Variants in SYN3 observed in about 807,000 individuals in gnomAD.
SYN3 encodes the protein synapsin-3.
A neutral mutation model predicts 65.8 loss-of-function variants in SYN3; 35 were observed. That is an observed-to-expected ratio of 0.53 (90% CI 0.41 to 0.70). The LOEUF is 0.70. Among genes scored for constraint, SYN3 ranks in the 30% least tolerant of loss-of-function variants. The pLI is 0.00. For synonymous variants in SYN3, 270 were observed against 292.9 expected, an observed-to-expected ratio of 0.92 and a Z score of 0.80; for missense variants, 680 against 749.0, an observed-to-expected ratio of 0.91 and a Z score of 1.08.
At chr22:32,577,397 A>G (rs2058867474) in intron 7 of SYN3, among the ~76,000 whole-genome samples, 1 of 152,180 alleles carries the variant, frequency 6.6e-6, no homozygotes, top group Non-Finnish European at 1.5e-5. Context: ...CAATGTAATC[A>G]TTTGCTTGCA....
intron 7 of SYN3, among the ~76,000 whole-genome samples, chr22:32,575,779 C>T (rs924936844): frequency 3.3e-5 from 5 of 152,056 alleles, no homozygotes; most frequent in East Asian, 1.9e-4. Flanking sequence ...TGGGGAGATA[C>T]GGAAATGAAT....
intron 8 of SYN3, among the ~76,000 whole-genome samples, chr22:32,538,792 C>T (rs183142034): frequency 4.6e-5 from 7 of 152,236 alleles, no homozygotes; most frequent in East Asian, 1.9e-4. Context: ...ATAGACTGCC[C>T]GGTACTACGC....
chr22:32,546,827 C>T (rs1357757647), intron 7 of SYN3, among the ~76,000 whole-genome samples: 1 of 152,136 alleles, frequency 6.6e-6, no homozygotes, highest in Non-Finnish European at 1.5e-5. Flanking sequence ...GACCCACCCA[C>T]ACCCTTGCCT....
At chr22:32,948,200 T>C (rs768858893) in intron 3 of SYN3, among the ~76,000 whole-genome samples, 3 of 152,238 alleles carry the variant, frequency 2.0e-5, no homozygotes, top group Non-Finnish European at 4.4e-5. Flanking sequence ...TCTAGTTGGA[T>C]ACTGTAGAAT....
intron 6 of SYN3, among the ~76,000 whole-genome samples, chr22:32,645,377 G>A (rs1458206988): frequency 6.6e-6 from 1 of 151,874 alleles, no homozygotes; most frequent in African/African-American, 2.4e-5. Context: ...CTTGAACCCG[G>A]GAGGCAGAGG....
chr22:32,887,643 G>C (rs1601625801), intron 4 of SYN3, among the ~76,000 whole-genome samples: 1 of 152,174 alleles, frequency 6.6e-6, no homozygotes, highest in Non-Finnish European at 1.5e-5. Flanking sequence ...GTTGTTTGAA[G>C]CTGATAAGTT....
At chr22:32,592,476 C>T (rs934409372) in intron 7 of SYN3, among the ~76,000 whole-genome samples, 3 of 152,154 alleles carry the variant, frequency 2.0e-5, no homozygotes, top group African/African-American at 4.8e-5. Context: ...TCATGATGTC[C>T]ACTATTTTTT....
At chr22:32,726,416 C>T (rs569400257) in intron 6 of SYN3, among the ~76,000 whole-genome samples, 2 of 152,350 alleles carry the variant, frequency 1.3e-5, no homozygotes, top group South Asian at 4.1e-4. Flanking sequence ...GCTGGGATTA[C>T]AGGTGTGAGC....
intron 6 of SYN3, among the ~76,000 whole-genome samples, chr22:32,632,630 G>A (rs2059762010): frequency 6.6e-6 from 1 of 152,174 alleles, no homozygotes; most frequent in Non-Finnish European, 1.5e-5. Context: ...GTGCTTAAAG[G>A]TTTGGGGCAG....
At chr22:32,669,588 C>A (rs1435573406) in intron 6 of SYN3, among the ~76,000 whole-genome samples, 2 of 152,204 alleles carry the variant, frequency 1.3e-5, no homozygotes, top group Non-Finnish European at 2.9e-5. Context: ...AAGAAGAGAG[C>A]GTAACAGTGA....
At chr22:32,964,053 G>A (rs2051744667) in intron 3 of SYN3, among the ~76,000 whole-genome samples, 1 of 151,928 alleles carries the variant, frequency 6.6e-6, no homozygotes. Flanking sequence ...GGGTGGGGAG[G>A]GCACCAGTTC....
At chr22:32,798,316 G>T (rs1245583236) in intron 6 of SYN3, among the ~76,000 whole-genome samples, 1 of 152,040 alleles carries the variant, frequency 6.6e-6, no homozygotes, top group Non-Finnish European at 1.5e-5. Flanking sequence ...AATGGCTGGG[G>T]TTTCCAAGCC....
At chr22:32,938,423 G>A (rs926954898) in intron 3 of SYN3, among the ~76,000 whole-genome samples, 5 of 151,648 alleles carry the variant, frequency 3.3e-5, no homozygotes, top group Non-Finnish European at 7.4e-5. Context: ...CCAGCTACTC[G>A]GGAGGCTGAG....
At chr22:32,677,693 C>T (rs1041082470) in intron 6 of SYN3, among the ~76,000 whole-genome samples, 5 of 151,684 alleles carry the variant, frequency 3.3e-5, no homozygotes, top group Non-Finnish European at 5.9e-5. Context: ...CCCACCTACT[C>T]GGGAGGCTGA....
At chr22:32,569,411 C>G (rs2058719858) in intron 7 of SYN3, among the ~76,000 whole-genome samples, 1 of 136,970 alleles carries the variant, frequency 7.3e-6, no homozygotes, top group African/African-American at 3.0e-5. Flanking sequence ...ATCTATCTAT[C>G]TATCTATCTA....
chr22:32,917,973 CT>C (rs112352833), intron 4 of SYN3, among the ~76,000 whole-genome samples: 6,607 of 152,342 alleles, frequency 0.043, 166 homozygotes, highest in Middle Eastern at 0.092. Context: ...CCCTCCAAGG[CT>C]GCTCTGCTGG....
At chr22:32,861,054 G>A (rs944585600) in intron 6 of SYN3, 1 of 152,234 alleles carries the variant, frequency 6.6e-6, no homozygotes, top group Non-Finnish European at 1.5e-5. Context: ...GCAGGATGGT[G>A]ACATTGAACA....
rs559943802 is a variant in SYN3 at position 33,030,936 on chromosome 22, C to T, written c.-162-24112G>A. Among the ~76,000 whole-genome samples, 36 of 152,120 alleles carry T rather than the reference C, an allele frequency of 2.4e-4. 1 individual carries two copies. The South Asian group carries it at 7.3e-3, about 31-fold the overall frequency. Reference sequence around the variant, plus strand: ...AGACAGACAAAGATATATAGAGATACAGAGACAGAAAGACAGATATACATA... The same window carrying T: ...AGACAGACAAAGATATATAGAGATATAGAGACAGAAAGACAGATATACATA... On this transcript the variant is annotated intron_variant, in intron 1 of 13. Coordinates refer to ENST00000358763, the MANE Select transcript of SYN3 (RefSeq NM_003490.4).
chr22:32,531,206 C>T (rs932479149), intron 10 of SYN3, among the ~76,000 whole-genome samples: 4 of 147,920 alleles, frequency 2.7e-5, no homozygotes, highest in African/African-American at 1.0e-4. Context: ...CTAGCAGGGT[C>T]CTGAGCTCTG....
Sources: gnomAD v4.1 joint callset for allele counts (sites outside exome capture counted in the v4.1 genomes callset) on GRCh38, gnomAD v4.1.1 for gene constraint, MANE v1.5 for transcripts, NCBI Gene and HGNC (gene_info 2026-07-23, HGNC 2026-07-21) for gene names.